Variants in MCU observed in about 807,000 individuals in gnomAD.
The protein encoded by MCU is calcium uniporter protein, mitochondrial.
MCU carries 12 observed loss-of-function variants against 45.2 expected under a neutral mutation model. The ratio of observed to expected loss-of-function variants is 0.27; its 90% CI spans 0.17 to 0.43. MCU has a LOEUF of 0.43. Ranked by LOEUF, MCU falls within the 20% of genes least tolerant of loss-of-function variation. The pLI is 1.00. For missense variants in MCU, 324 were observed against 436.7 expected, an observed-to-expected ratio of 0.74 and a Z score of 2.30; for synonymous variants, 160 against 165.1, an observed-to-expected ratio of 0.97 and a Z score of 0.24.
intron 1 of MCU, among the ~76,000 whole-genome samples, chr10:72,753,350 A>T (rs953417205): frequency 1.3e-5 from 2 of 151,982 alleles, no homozygotes; most frequent in African/African-American, 2.4e-5. Context: ...GTTACCAAGA[A>T]CCCTTTATAT....
At chr10:72,824,515 G>A (rs555496912) in intron 1 of MCU, among the ~76,000 whole-genome samples, 2 of 151,966 alleles carry the variant, frequency 1.3e-5, no homozygotes, top group Admixed American at 6.6e-5. Context: ...GGCCCATGAT[G>A]TCTATTTTTC....
intron 1 of MCU, among the ~76,000 whole-genome samples, chr10:72,828,300 G>A (rs1479521568): frequency 2.0e-5 from 3 of 152,084 alleles, no homozygotes; most frequent in Non-Finnish European, 2.9e-5. Context: ...TTTTAGCCAT[G>A]GACAAATATA....
intron 1 of MCU, among the ~76,000 whole-genome samples, chr10:72,695,383 TTTAA>T (rs1842673210): frequency 1.3e-5 from 2 of 152,216 alleles, no homozygotes; most frequent in South Asian, 2.1e-4. Flanking sequence ...GTCCTAACTC[TTTAA>T]TTGAGTTCCT....
intron 1 of MCU, chr10:72,692,777 C>G: frequency 2.9e-6 from 4 of 1,381,158 alleles, no homozygotes; most frequent in Non-Finnish European, 3.7e-6. Context: ...GGGAGCTGCC[C>G]CGGAGAGCAG....
At chr10:72,830,361 A>T (rs1466015367) in intron 1 of MCU, among the ~76,000 whole-genome samples, 1 of 152,192 alleles carries the variant, frequency 6.6e-6, no homozygotes, top group Non-Finnish European at 1.5e-5. Flanking sequence ...ATTGTCAAGG[A>T]TAATTTATGA....
intron 1 of MCU, among the ~76,000 whole-genome samples, chr10:72,744,149 A>G (rs967879484): frequency 3.3e-5 from 5 of 151,528 alleles, no homozygotes; most frequent in Non-Finnish European, 7.4e-5. Flanking sequence ...ATAGTTTACA[A>G]ATTCTTTCTC....
intron 1 of MCU, among the ~76,000 whole-genome samples, chr10:72,785,176 T>C (rs967331204): frequency 6.6e-6 from 1 of 152,260 alleles, no homozygotes; most frequent in Non-Finnish European, 1.5e-5. Context: ...TAGTGGTGGC[T>C]GCTCCAGCCA....
intron 1 of MCU, among the ~76,000 whole-genome samples, chr10:72,693,477 T>C (rs1025794312): frequency 1.3e-5 from 2 of 152,202 alleles, no homozygotes; most frequent in African/African-American, 4.8e-5. Flanking sequence ...TCGCCTGCCT[T>C]GTTCTGATCA....
chr10:72,879,651 A>C (rs1484531883), intron 6 of MCU, among the ~76,000 whole-genome samples: 2 of 152,262 alleles, frequency 1.3e-5, no homozygotes, highest in African/African-American at 4.8e-5. Flanking sequence ...AGGAATAAAG[A>C]GCAACAAAAA....
In MCU at chr10:72,801,353, C is replaced by CTT. The variant is rs200952818; in HGVS notation, c.151-32989_151-32988dup. Among the ~76,000 whole-genome samples the CTT allele has an allele frequency of 1.2e-3, 124 of 100,422 alleles. 1 individual carries two copies. Among genetic ancestry groups the CTT allele is most frequent in the African/African-American group, 2.9e-3 (87 of 29,740 alleles). The allele number at this position is 100,422 out of a possible 152,430, so 65.9% of individuals were successfully genotyped here. A position where few individuals can be genotyped will look rare whatever the true frequency, so the allele number is the denominator to read the frequency against. On this transcript the variant is annotated intron_variant, in intron 1 of 7. Transcript: ENST00000373053. ...AGATAGTATTAACTCATAATGCTTT[C>CTT]TTTTTTTTTTTTTTTTTTGCTGAAA...
chr10:72,876,539 A>G lies in MCU; in HGVS notation c.861+4959A>G, dbSNP rs894952626. Among the ~76,000 whole-genome samples the G allele has an allele frequency of 5.9e-5, 9 of 152,316 alleles. 1 individual carries two copies. Among genetic ancestry groups the G allele is most frequent in the South Asian group, 4.1e-4 (2 of 4,826 alleles). ...AGCATGTCATAGTGTAGAATGGGCCACTGCTTGTGTTTTTAATCATATTTT... is the reference window on the plus strand; with the variant it reads ...AGCATGTCATAGTGTAGAATGGGCCGCTGCTTGTGTTTTTAATCATATTTT... On this transcript the variant is annotated intron_variant, in intron 6 of 7. Transcript: ENST00000373053.
chr10:72,868,016 A>G (rs954069085), intron 4 of MCU, among the ~76,000 whole-genome samples: 1 of 152,148 alleles, frequency 6.6e-6, no homozygotes, highest in Non-Finnish European at 1.5e-5. Flanking sequence ...TCACCATTTT[A>G]ATAAGCATAA....
chr10:72,773,773 G>T (rs943859288), intron 1 of MCU, among the ~76,000 whole-genome samples: 2 of 152,128 alleles, frequency 1.3e-5, no homozygotes, highest in Admixed American at 6.5e-5. Context: ...AATTGGTCTG[G>T]CAACAGACTT....
intron 1 of MCU, among the ~76,000 whole-genome samples, chr10:72,774,847 C>T (rs1843866642): frequency 6.6e-6 from 1 of 151,922 alleles, no homozygotes; most frequent in Non-Finnish European, 1.5e-5. Flanking sequence ...AGAAGATATA[C>T]CAATTATATT....
At chr10:72,740,103 C>G (rs376291147) in intron 1 of MCU, among the ~76,000 whole-genome samples, 4 of 150,990 alleles carry the variant, frequency 2.6e-5, no homozygotes, top group Non-Finnish European at 5.9e-5. Flanking sequence ...GTGCCATCAC[C>G]GGGCACGGTG....
chr10:72,780,963 G>A (rs182990403), intron 1 of MCU, among the ~76,000 whole-genome samples: 1 of 152,252 alleles, frequency 6.6e-6, no homozygotes, highest in East Asian at 1.9e-4. Context: ...TAGTTGGTCT[G>A]ACTGACATAT....
chr10:72,843,702 A>G (rs1246984112), intron 2 of MCU, among the ~76,000 whole-genome samples: 1 of 152,154 alleles, frequency 6.6e-6, no homozygotes. Flanking sequence ...TTATTTTTGT[A>G]AGAAAACACC....
chr10:72,834,251 C>A, intron 1 of MCU, 108 bp from the exon 2 acceptor site: 1 of 627,116 alleles, frequency 1.6e-6, no homozygotes. Flanking sequence ...TTCTACAAAG[C>A]ATGCATATTA....
intron 2 of MCU, among the ~76,000 whole-genome samples, chr10:72,845,333 G>C (rs565272787): frequency 6.6e-6 from 1 of 152,242 alleles, no homozygotes; most frequent in South Asian, 2.1e-4. Context: ...TAAAAACATT[G>C]AGTAGTGCTA....
Sources: gnomAD v4.1 joint callset for allele counts (sites outside exome capture counted in the v4.1 genomes callset) on GRCh38, gnomAD v4.1.1 for gene constraint, MANE v1.5 for transcripts, NCBI Gene and HGNC (gene_info 2026-07-23, HGNC 2026-07-21) for gene names.